Variants in SLC8A1 observed in about 807,000 individuals in gnomAD.
SLC8A1 encodes the protein sodium/calcium exchanger 1.
Under a neutral mutation model 68.3 loss-of-function variants are expected in SLC8A1, and 18 were observed. The observed-to-expected ratio is 0.26, with a 90% CI of 0.18 to 0.39. SLC8A1 has a LOEUF of 0.39. Ranked by LOEUF, SLC8A1 falls within the 10% of genes least tolerant of loss-of-function variation. The pLI is 1.00. For missense variants in SLC8A1, 985 were observed against 1,156.7 expected (o/e 0.85, Z 2.15); for synonymous variants, 475 against 415.5 (o/e 1.14, Z -1.74).
intron 4 of SLC8A1, among the ~76,000 whole-genome samples, chr2:40,165,751 G>A (rs1172685814): frequency 6.6e-6 from 1 of 152,140 alleles, no homozygotes; most frequent in East Asian, 1.9e-4. Context: ...AGGAGAGGAC[G>A]GTGGGTGCTG....
At chr2:40,418,695 T>C (rs1694606937) in intron 2 of SLC8A1, among the ~76,000 whole-genome samples, 1 of 152,178 alleles carries the variant, frequency 6.6e-6, no homozygotes. Context: ...GACAAAACTC[T>C]CTCCCTATTT....
At chr2:40,434,449 G>A (rs746993728) in intron 1 of SLC8A1, among the ~76,000 whole-genome samples, 4 of 151,752 alleles carry the variant, frequency 2.6e-5, no homozygotes, top group African/African-American at 7.3e-5. Flanking sequence ...TCTTTCTTTC[G>A]GGGTCTTTCC....
At chr2:40,359,857 G>A (rs1674027628) in intron 2 of SLC8A1, among the ~76,000 whole-genome samples, 2 of 151,526 alleles carry the variant, frequency 1.3e-5, no homozygotes, top group African/African-American at 4.9e-5. Context: ...TTTTCAGGTA[G>A]GCTTCATTAA....
At chr2:40,112,408 C>G (rs891912305) in exon 8 of SLC8A1, 3 of 149,598 alleles carry the variant, frequency 2.0e-5, no homozygotes, top group African/African-American at 7.5e-5. Flanking sequence ...AATAACAATC[C>G]TGAACAACCA....
chr2:40,121,460 G>T (rs1398988782), intron 7 of SLC8A1, among the ~76,000 whole-genome samples: 1 of 152,162 alleles, frequency 6.6e-6, no homozygotes, highest in Non-Finnish European at 1.5e-5. Context: ...TAAAATGTGG[G>T]TAGGCGTCAC....
chr2:40,272,816 T>C (rs1341878458), intron 2 of SLC8A1, among the ~76,000 whole-genome samples: 1 of 152,212 alleles, frequency 6.6e-6, no homozygotes, highest in Non-Finnish European at 1.5e-5. Context: ...AGCCTTGAGC[T>C]CACTCTGCTG....
intron 2 of SLC8A1, among the ~76,000 whole-genome samples, chr2:40,312,097 A>G (rs912239866): frequency 2.0e-5 from 3 of 152,112 alleles, no homozygotes; most frequent in African/African-American, 7.2e-5. Context: ...TTTACCCTCA[A>G]GCTTCAGGCT....
intron 6 of SLC8A1, 107 bp downstream of exon 9, chr2:40,160,658 G>T: frequency 3.5e-6 from 3 of 868,094 alleles, no homozygotes; most frequent in Non-Finnish European, 1.9e-6. Flanking sequence ...CCTTAATTTT[G>T]CCATGGAAGC....
intron 2 of SLC8A1, among the ~76,000 whole-genome samples, chr2:40,313,119 A>G (rs930083676): frequency 6.6e-6 from 1 of 152,096 alleles, no homozygotes. Context: ...CAAGTAATCA[A>G]TAATTTTATT....
intron 1 of SLC8A1, among the ~76,000 whole-genome samples, chr2:40,466,594 C>T (rs1703688555): frequency 6.6e-6 from 1 of 152,148 alleles, no homozygotes; most frequent in African/African-American, 2.4e-5. Flanking sequence ...TGCTAATCTG[C>T]TTCTTTCTAT....
At position 40,291,173 on chromosome 2, in the gene SLC8A1, G is replaced by C. The variant is rs140583977; in HGVS notation, c.1809-113318C>G. Among the ~76,000 whole-genome samples the C allele has an allele frequency of 3.5e-3, 535 of 152,232 alleles. 3 individuals carry two copies. Among genetic ancestry groups the C allele is most frequent in the African/African-American group, 0.012 (498 of 41,540 alleles). ...CTTTCTAAGAAGACCCTTCTTTTCA[G>C]TCATGAAGAAGCTTTGTGCTGTTGA... On this transcript the variant is annotated intron_variant, in intron 2 of 7. Coordinates refer to ENST00000406785, the Ensembl canonical transcript of SLC8A1.
intron 2 of SLC8A1, among the ~76,000 whole-genome samples, chr2:40,395,666 A>T (rs1265918173): frequency 6.6e-6 from 1 of 152,176 alleles, no homozygotes; most frequent in Non-Finnish European, 1.5e-5. Context: ...GAAAAACTAA[A>T]GTGGAACTGC....
intron 2 of SLC8A1, among the ~76,000 whole-genome samples, chr2:40,259,458 T>C (rs188787659): frequency 3.2e-4 from 48 of 152,276 alleles, no homozygotes; most frequent in African/African-American, 1.1e-3. Context: ...TCCCATTGCT[T>C]TCTTCACTTT....
intron 2 of SLC8A1, among the ~76,000 whole-genome samples, chr2:40,230,003 T>G (rs1284120745): frequency 6.6e-6 from 1 of 152,138 alleles, no homozygotes. Flanking sequence ...ACCAAAACTC[T>G]TATTATTCAA....
intron 4 of SLC8A1, among the ~76,000 whole-genome samples, chr2:40,173,720 A>C (rs2047958682): frequency 1.4e-5 from 2 of 147,414 alleles, no homozygotes; most frequent in South Asian, 4.2e-4. Context: ...TGATTTCAAA[A>C]TTTTGATATC....
At chr2:40,439,296 C>T (rs1235401649) in intron 1 of SLC8A1, among the ~76,000 whole-genome samples, 4 of 152,172 alleles carry the variant, frequency 2.6e-5, no homozygotes, top group Non-Finnish European at 5.9e-5. Flanking sequence ...GATAAAGGGA[C>T]ATCTTCAGAG....
intron 1 of SLC8A1, among the ~76,000 whole-genome samples, chr2:40,504,406 T>C (rs1391534686): frequency 2.0e-5 from 3 of 152,062 alleles, no homozygotes; most frequent in Non-Finnish European, 4.4e-5. Flanking sequence ...GGGCAAAGAT[T>C]TCTTGAGCAA....
chr2:40,324,038 GC>G (rs1210057864), intron 2 of SLC8A1, among the ~76,000 whole-genome samples: 2 of 151,102 alleles, frequency 1.3e-5, no homozygotes, highest in African/African-American at 2.4e-5. Context: ...TGGGGGGGGG[GC>G]TGTTAACAAT....
At chr2:40,481,680 T>G (rs1358512394) in intron 1 of SLC8A1, among the ~76,000 whole-genome samples, 1 of 152,198 alleles carries the variant, frequency 6.6e-6, no homozygotes, top group Non-Finnish European at 1.5e-5. Flanking sequence ...TTTTTATTCC[T>G]GAAAATACAC....
Sources: allele counts gnomAD v4.1 joint callset (sites outside exome capture counted in the v4.1 genomes callset), GRCh38; gene constraint gnomAD v4.1.1; transcripts MANE v1.5; gene names NCBI Gene and HGNC (gene_info 2026-07-23, HGNC 2026-07-21).